The following STAU2 variants were observed in gnomAD, a reference collection of about 807,000 sequenced individuals.
STAU2 encodes the protein staufen double-stranded RNA binding protein 2, also known as double-stranded RNA-binding protein Staufen homolog 2.
A neutral mutation model predicts 65.9 loss-of-function variants in STAU2; 20 were observed. The observed-to-expected ratio is 0.30, with a 90% CI of 0.21 to 0.44. STAU2 has a LOEUF of 0.44. STAU2 is among the 20% of genes least tolerant of loss of function. The probability of loss-of-function intolerance (pLI) is 1.00; values close to 1 mark genes in which losing one functional copy is unlikely to be tolerated. For missense variants in STAU2, 558 were observed against 683.9 expected, an observed-to-expected ratio of 0.82 and a Z score of 2.05; for synonymous variants, 232 against 233.9, an observed-to-expected ratio of 0.99 and a Z score of 0.07.
At chr8:73,542,807 T>C (rs1214455225) in intron 13 of STAU2, among the ~76,000 whole-genome samples, 3 of 152,160 alleles carry the variant, frequency 2.0e-5, no homozygotes, top group East Asian at 3.8e-4. Context: ...CATATTAACG[T>C]GTACAACCCT....
At chr8:73,640,340 T>C (rs980612313) in intron 6 of STAU2, among the ~76,000 whole-genome samples, 1 of 152,132 alleles carries the variant, frequency 6.6e-6, no homozygotes, top group Non-Finnish European at 1.5e-5. Flanking sequence ...AGACACTGAC[T>C]TAAAGAATTG....
At chr8:73,739,188 G>C (rs1203787436) in intron 2 of STAU2, among the ~76,000 whole-genome samples, 3 of 145,088 alleles carry the variant, frequency 2.1e-5, no homozygotes, top group East Asian at 4.0e-4. Context: ...AGCCGAGATT[G>C]CGCCATTGCA....
Position 73,631,377 on chromosome 8 carries a change from TA to T in STAU2, c.411-13927del, listed in dbSNP as rs1367693947. On this transcript the variant is annotated intron_variant, in intron 6 of 14. Transcript: ENST00000524300. ...GGCAATAGAGTGAGACCTCATCTCT[TA>T]AAAAAAAAAAAAAGAGGAATAAAAA... 2.8e-3 allele frequency among the ~76,000 whole-genome samples: 379 copies of T among 133,060 alleles called. 2 individuals carry two copies. The highest frequency in any genetic ancestry group is 4.8e-3 in the Admixed American group (64 of 13,236). 87.3% of individuals were successfully genotyped at this position (133,060 alleles called of 152,430 possible).
intron 13 of STAU2, among the ~76,000 whole-genome samples, chr8:73,523,726 C>CA: frequency 6.6e-6 from 1 of 152,076 alleles, no homozygotes; most frequent in East Asian, 1.9e-4. Flanking sequence ...ATGTAACTGA[C>CA]AACAAGGCCA....
intron 5 of STAU2, among the ~76,000 whole-genome samples, chr8:73,676,001 T>C (rs139128137): frequency 3.0e-4 from 46 of 152,202 alleles, no homozygotes; most frequent in African/African-American, 1.0e-3. Context: ...GGAATAAAGG[T>C]GAAGGATACA....
At chr8:73,665,189 T>C (rs1817141058) in intron 6 of STAU2, among the ~76,000 whole-genome samples, 1 of 152,050 alleles carries the variant, frequency 6.6e-6, no homozygotes, top group Non-Finnish European at 1.5e-5. Context: ...TAATTTAACA[T>C]TAATGTTAAT....
chr8:73,679,604 A>G (rs1354427706), intron 5 of STAU2, among the ~76,000 whole-genome samples: 3 of 152,022 alleles, frequency 2.0e-5, no homozygotes, highest in Non-Finnish European at 4.4e-5. Context: ...GAAGCAGGCC[A>G]GGAATGGTGG....
intron 13 of STAU2, among the ~76,000 whole-genome samples, chr8:73,537,704 T>C (rs985341344): frequency 6.6e-5 from 10 of 152,170 alleles, no homozygotes; most frequent in African/African-American, 2.4e-4. Flanking sequence ...AAACAATGGC[T>C]AAAATTAAGT....
At chr8:73,619,414 A>T (rs925859792) in intron 6 of STAU2, among the ~76,000 whole-genome samples, 9 of 152,236 alleles carry the variant, frequency 5.9e-5, no homozygotes, top group Non-Finnish European at 1.3e-4. Context: ...GTCCTAAAAA[A>T]TGTTTGTTTC....
At chr8:73,461,580 C>G (rs1819352598) in intron 13 of STAU2, among the ~76,000 whole-genome samples, 1 of 151,952 alleles carries the variant, frequency 6.6e-6, no homozygotes, top group Non-Finnish European at 1.5e-5. Flanking sequence ...GTATTAAATG[C>G]ACATGCTAAG....
At chr8:73,494,158 T>C (rs1240479627) in intron 13 of STAU2, among the ~76,000 whole-genome samples, 1 of 151,736 alleles carries the variant, frequency 6.6e-6, no homozygotes, top group African/African-American at 2.4e-5. Flanking sequence ...ATTTGTACAC[T>C]TTGTTGTTTA....
At chr8:73,558,069 A>G (rs1807921953) in intron 12 of STAU2, among the ~76,000 whole-genome samples, 1 of 152,256 alleles carries the variant, frequency 6.6e-6, no homozygotes, top group African/African-American at 2.4e-5. Context: ...AATAAGCAGC[A>G]ATGCTAGAAT....
chr8:73,724,464 C>A (rs1014140440), intron 3 of STAU2, among the ~76,000 whole-genome samples: 7 of 152,006 alleles, frequency 4.6e-5, no homozygotes, highest in Non-Finnish European at 8.8e-5. Context: ...TCAGTAGAAA[C>A]CATACTGAAG....
intron 13 of STAU2, among the ~76,000 whole-genome samples, chr8:73,452,979 G>T (rs1201715178): frequency 6.6e-6 from 1 of 152,190 alleles, no homozygotes; most frequent in Non-Finnish European, 1.5e-5. Context: ...AAATGAACTA[G>T]GGGTCCATTT....
At chr8:73,550,832 G>C (rs1807280354) in intron 13 of STAU2, 1 of 987,256 alleles carries the variant, frequency 1.0e-6, no homozygotes, top group Non-Finnish European at 1.2e-6. Context: ...TAGTTTGAAA[G>C]AATCAGAAGG....
intron 13 of STAU2, among the ~76,000 whole-genome samples, chr8:73,509,263 C>T (rs1039849150): frequency 6.6e-5 from 10 of 152,124 alleles, no homozygotes; most frequent in Non-Finnish European, 1.5e-4. Flanking sequence ...TCAGCATCTT[C>T]TCAGGTGCTT....
chr8:73,580,968 C>T (rs80063349), intron 12 of STAU2, among the ~76,000 whole-genome samples: 2,334 of 152,304 alleles, frequency 0.015, 28 homozygotes, highest in South Asian at 0.026. Flanking sequence ...AAGATTTAAG[C>T]TGGCTTCAAA....
chr8:73,622,005 A>G (rs970938902), intron 6 of STAU2, among the ~76,000 whole-genome samples: 1 of 142,820 alleles, frequency 7.0e-6, no homozygotes, highest in Non-Finnish European at 1.5e-5. Flanking sequence ...TGCCCAGGCT[A>G]GAGTGCAGTG....
chr8:73,721,718 C>A (rs1821701049), intron 3 of STAU2, among the ~76,000 whole-genome samples: 1 of 152,168 alleles, frequency 6.6e-6, no homozygotes, highest in Non-Finnish European at 1.5e-5. Flanking sequence ...ATTAATATAG[C>A]CACTCCAAGT....
Sources: allele counts gnomAD v4.1 joint callset (sites outside exome capture counted in the v4.1 genomes callset), GRCh38; gene constraint gnomAD v4.1.1; transcripts MANE v1.5; gene names NCBI Gene and HGNC (gene_info 2026-07-23, HGNC 2026-07-21).